WDPCP: variants seen among roughly 807,000 people sequenced by gnomAD.
The protein encoded by WDPCP is WD repeat-containing and planar cell polarity effector protein fritz homolog.
WDPCP carries 71 observed loss-of-function variants against 93.1 expected under a neutral mutation model. The ratio of observed to expected loss-of-function variants is 0.76; its 90% confidence interval spans 0.63 to 0.93. The LOEUF is 0.93. Ranked by LOEUF, WDPCP falls within the 40% of genes least tolerant of loss-of-function variation. The probability of loss-of-function intolerance (pLI) is 0.00; values close to 1 mark genes in which losing one functional copy is unlikely to be tolerated. For synonymous variants in WDPCP, 315 were observed against 315.0 expected, an observed-to-expected ratio of 1.00 and a Z score of 0.00; for missense variants, 844 against 887.4, an observed-to-expected ratio of 0.95 and a Z score of 0.62.
At chr2:63,326,841 A>G (rs1319689482) in intron 12 of WDPCP, among the ~76,000 whole-genome samples, 1 of 152,182 alleles carries the variant, frequency 6.6e-6, no homozygotes, top group East Asian at 1.9e-4. Flanking sequence ...AAGAAAAAAC[A>G]GTGTACCCTA....
At chr2:63,157,571 G>C (rs1672346196) in intron 15 of WDPCP, among the ~76,000 whole-genome samples, 1 of 152,054 alleles carries the variant, frequency 6.6e-6, no homozygotes, top group African/African-American at 2.4e-5. Context: ...TCCTTTAATA[G>C]CCATAGGATT....
intron 3 of WDPCP, among the ~76,000 whole-genome samples, chr2:63,640,400 A>G (rs1329269485): frequency 6.6e-6 from 1 of 152,200 alleles, no homozygotes; most frequent in Admixed American, 6.5e-5. Flanking sequence ...TGGCAGTGGC[A>G]GGAGGATTGC....
intron 13 of WDPCP, among the ~76,000 whole-genome samples, chr2:63,267,647 C>G (rs150085821): frequency 4.0e-4 from 61 of 152,178 alleles, no homozygotes; most frequent in Non-Finnish European, 7.1e-4. Flanking sequence ...TAAGAAAACT[C>G]AGTTAAAAGC....
intron 1 of WDPCP, chr2:63,518,748 G>A (rs1179174509): frequency 6.5e-6 from 1 of 153,052 alleles, no homozygotes; most frequent in Non-Finnish European, 1.5e-5. Flanking sequence ...TGGGGCCCCA[G>A]CCTGACCACG....
At chr2:63,452,228 A>G (rs1372327292) in intron 6 of WDPCP, among the ~76,000 whole-genome samples, 1 of 152,232 alleles carries the variant, frequency 6.6e-6, no homozygotes, top group Non-Finnish European at 1.5e-5. Context: ...TAAGCTGATA[A>G]GCAACTTCAG....
At chr2:63,579,244 A>T (rs1708327425) in intron 1 of WDPCP, among the ~76,000 whole-genome samples, 1 of 152,210 alleles carries the variant, frequency 6.6e-6, no homozygotes, top group African/African-American at 2.4e-5. Context: ...TAAATAAAAG[A>T]TGCTAAATCA....
chr2:63,640,580 A>G (rs934183350), intron 3 of WDPCP, among the ~76,000 whole-genome samples: 14 of 152,366 alleles, frequency 9.2e-5, no homozygotes, highest in African/African-American at 2.6e-4. Flanking sequence ...ACAAACTTAG[A>G]TGTCCTTCAC....
At chr2:63,159,979 T>C (rs1458721326) in intron 15 of WDPCP, among the ~76,000 whole-genome samples, 3 of 152,212 alleles carry the variant, frequency 2.0e-5, no homozygotes, top group Admixed American at 2.0e-4. Flanking sequence ...TATGCTTCCA[T>C]GTACCTCCAT....
intron 1 of WDPCP, chr2:63,518,579 T>A (rs754092587): frequency 6.5e-6 from 1 of 152,778 alleles, no homozygotes; most frequent in Non-Finnish European, 1.5e-5. Context: ...ACATCTGTAG[T>A]GGAGCATGGC....
Position 63,323,646 on chromosome 2 carries a change from A to G in WDPCP, c.1749-10335T>C, listed in dbSNP as rs117259236. ...CTTTATAGGACATGGTTAAGGTCCC[A>G]ATACTAACAGGTGAATGCTTAGGAC... On this transcript the variant is annotated intron_variant, in intron 12 of 17. Transcript: ENST00000272321. 3.4e-3 allele frequency among the ~76,000 whole-genome samples: 521 copies of G among 152,282 alleles called. 22 individuals are homozygous for G. In the East Asian group the frequency reaches 0.08, roughly 23 times the overall value.
chr2:63,512,748 G>A (rs2106101072), intron 1 of WDPCP, among the ~76,000 whole-genome samples: 1 of 152,168 alleles, frequency 6.6e-6, no homozygotes, highest in Admixed American at 6.6e-5. Flanking sequence ...GTTGGGAGTT[G>A]GGGGGCAAGG....
At chr2:63,612,627 T>G (rs1709625412) in intron 3 of WDPCP, among the ~76,000 whole-genome samples, 1 of 152,214 alleles carries the variant, frequency 6.6e-6, no homozygotes, top group Non-Finnish European at 1.5e-5. Flanking sequence ...CTTTCCACAG[T>G]TTACCACCCT....
At chr2:63,792,302 A>T (rs1670556796) in intron 2 of WDPCP, among the ~76,000 whole-genome samples, 1 of 152,190 alleles carries the variant, frequency 6.6e-6, no homozygotes, top group Non-Finnish European at 1.5e-5. Flanking sequence ...CAGGCGAGAG[A>T]GGGCATGTGA....
Position 63,121,683 on chromosome 2 carries a change from T to C in WDPCP, c.*323A>G, listed in dbSNP as rs369149310. 2.4e-3 allele frequency: 949 copies of C among 390,016 alleles called. 22 individuals are homozygous for C. In the South Asian group the frequency reaches 0.039, roughly 16 times the overall value. The allele number at this position is 390,016 out of a possible 1,614,324, so 24.2% of individuals were successfully genotyped here. On this transcript the variant is annotated 3_prime_UTR_variant, in exon 18 of 18. Transcript: ENST00000272321. The stretch of plus-strand genomic sequence containing the variant: ...TATGCCTGCCCCCTACTGCCCCTTT[T>C]TTAAAGTACCTGGGAGAACAAAGTT...
At chr2:63,758,769 G>A (rs961426890) in intron 2 of WDPCP, among the ~76,000 whole-genome samples, 3 of 151,814 alleles carry the variant, frequency 2.0e-5, no homozygotes, top group Non-Finnish European at 4.4e-5. Flanking sequence ...AAAAGCTCCA[G>A]ATTCTTTTTT....
intron 1 of WDPCP, among the ~76,000 whole-genome samples, chr2:63,522,705 A>G (rs1213428275): frequency 6.6e-6 from 1 of 152,202 alleles, no homozygotes; most frequent in Non-Finnish European, 1.5e-5. Context: ...CAGCTAGGAA[A>G]TCTACCAGAA....
intron 3 of WDPCP, among the ~76,000 whole-genome samples, chr2:63,605,100 G>A (rs1709501554): frequency 6.6e-6 from 1 of 152,136 alleles, no homozygotes; most frequent in Non-Finnish European, 1.5e-5. Flanking sequence ...TTTGTATGGA[G>A]ATACATAGTT....
At chr2:63,695,479 C>T (rs1286592968) in intron 2 of WDPCP, among the ~76,000 whole-genome samples, 1 of 152,048 alleles carries the variant, frequency 6.6e-6, no homozygotes, top group African/African-American at 2.4e-5. Flanking sequence ...GCATGGGACA[C>T]AGTTAAACTA....
upstream of WDPCP, among the ~76,000 whole-genome samples, chr2:63,828,000 C>G (rs763574060): frequency 6.6e-6 from 1 of 152,150 alleles, no homozygotes; most frequent in Non-Finnish European, 1.5e-5. Context: ...GAGTCTGGCA[C>G]TGACAGGCTT....
Sources: gnomAD v4.1 joint callset for allele counts (sites outside exome capture counted in the v4.1 genomes callset) on GRCh38, gnomAD v4.1.1 for gene constraint, MANE v1.5 for transcripts, NCBI Gene and HGNC (gene_info 2026-07-23, HGNC 2026-07-21) for gene names.